Variants in CD80 observed in about 807,000 individuals in gnomAD.
CD80 encodes the protein T-lymphocyte activation antigen CD80.
In CD80, 13 loss-of-function variants were observed where a neutral mutation model predicts 27.1. The observed-to-expected ratio is 0.48, with a 90% CI of 0.31 to 0.76. The LOEUF (loss-of-function observed/expected upper bound fraction) is 0.76, where lower values mean the gene tolerates loss of function less well. CD80 is among the 30% of genes least tolerant of loss of function. The pLI, the probability that CD80 is intolerant of heterozygous loss-of-function variation, is 0.04. For missense variants in CD80, 277 were observed against 347.9 expected (o/e 0.80, Z 1.62); for synonymous variants, 125 against 125.5 (o/e 1.00, Z 0.03).
intron 3 of CD80, among the ~76,000 whole-genome samples, chr3:119,543,007 G>A (rs2082178848): frequency 6.6e-6 from 1 of 152,042 alleles, no homozygotes. Flanking sequence ...CCAACCCAGT[G>A]CAAGAAGACA....
intron 2 of CD80, among the ~76,000 whole-genome samples, chr3:119,546,266 G>T (rs1049387049): frequency 6.6e-6 from 1 of 152,200 alleles, no homozygotes; most frequent in Non-Finnish European, 1.5e-5. Flanking sequence ...TACAGTGGTG[G>T]TGGAGGAGGG....
chr3:119,555,854 A>G (rs2688627), intron 2 of CD80, among the ~76,000 whole-genome samples: 35,575 of 152,176 alleles, frequency 0.23, 4,377 homozygotes, highest in Middle Eastern at 0.3. Context: ...TAAACAAAAG[A>G]ATGAACACCT....
intron 2 of CD80, among the ~76,000 whole-genome samples, chr3:119,549,865 A>G (rs1390074408): frequency 6.6e-6 from 1 of 152,254 alleles, no homozygotes; most frequent in African/African-American, 2.4e-5. Context: ...TAAAGATCAA[A>G]TGACAACCCA....
intron 4 of CD80, among the ~76,000 whole-genome samples, chr3:119,535,114 C>A (rs1301274872): frequency 6.6e-6 from 1 of 151,732 alleles, no homozygotes; most frequent in Non-Finnish European, 1.5e-5. Context: ...ATTGCTTCAA[C>A]CTGGGAGGCG....
chr3:119,547,296 T>G (rs1413638735), intron 2 of CD80, among the ~76,000 whole-genome samples: 3 of 152,226 alleles, frequency 2.0e-5, no homozygotes, highest in Non-Finnish European at 4.4e-5. Flanking sequence ...CATACTGTAA[T>G]TCAATGCCTA....
At chr3:119,536,131 A>T (rs2082136506) in intron 4 of CD80, among the ~76,000 whole-genome samples, 7 of 151,878 alleles carry the variant, frequency 4.6e-5, no homozygotes, top group Admixed American at 4.6e-4. Context: ...GGCGCCTGTA[A>T]TCCCAGCTAT....
In CD80 at chr3:119,527,762, CG is replaced by C; in HGVS notation, c.*8del. 6.2e-7 allele frequency: 1 copy of C among 1,610,820 alleles called. No individual in the cohort carries two copies. On this transcript the variant is annotated 3_prime_UTR_variant, in exon 6 of 7. Coordinates refer to ENST00000264246, the MANE Select transcript of CD80 (RefSeq NM_005191.4). ...AGATCTTTTCAGCCCCTTGCTTCTG[CG>C]GACACTGTTATACAGGGCGTACACT...
intron 3 of CD80, among the ~76,000 whole-genome samples, chr3:119,539,421 T>TAA (rs541394834): frequency 6.2e-5 from 9 of 144,206 alleles, no homozygotes; most frequent in African/African-American, 2.3e-4. Flanking sequence ...TGGTTGAAAT[T>TAA]AAAAAAAAAA....
At position 119,527,744 on chromosome 3, in the gene CD80, T is replaced by G. The variant is rs1272949063; in HGVS notation, c.*27A>C. 1.9e-6 allele frequency: 3 copies of G among 1,597,434 alleles called. No homozygotes were observed. In the African/African-American group the frequency reaches 4.0e-5, roughly 21 times the overall value. ...ATGACGGAGGCTACCTTCAGATCTT[T>G]TCAGCCCCTTGCTTCTGCGGACACT... On this transcript the variant is annotated 3_prime_UTR_variant, in exon 6 of 7. Transcript: ENST00000264246.
intron 3 of CD80, among the ~76,000 whole-genome samples, chr3:119,540,342 T>C (rs887735448): frequency 1.3e-5 from 2 of 152,320 alleles, no homozygotes; most frequent in South Asian, 4.1e-4. Context: ...CTTCCAGGAA[T>C]GCCTTGTGGC....
Position 119,553,103 on chromosome 3 carries a change from CTTTATTTATTTATTTA to C in CD80, c.100+4510_100+4525del, listed in dbSNP as rs61318964. ...ATACTAAAACCCACTGAATTGTACA[CTTTATTTATTTATTTA>C]TTTATTTATTTATTTATTTATTTAT... On this transcript the variant is annotated intron_variant, in intron 2 of 6. Transcript: ENST00000264246. Among the ~76,000 whole-genome samples the C allele has an allele frequency of 8.2e-3, 1,097 of 134,118 alleles. 3 individuals are homozygous for C. The highest frequency in any genetic ancestry group is 0.014 in the African/African-American group (460 of 33,456). 88.0% of individuals were successfully genotyped at this position (134,118 alleles called of 152,430 possible).
At position 119,524,374 on chromosome 3, in the gene CD80, G is replaced by C. The variant is rs1436087043; in HGVS notation, c.*1414C>G. 2 of 152,248 alleles carry C rather than the reference G, an allele frequency of 1.3e-5. No individual in the cohort carries two copies. Among genetic ancestry groups the C allele is most frequent in the Non-Finnish European group, 2.9e-5 (2 of 68,044 alleles). 9.4% of individuals were successfully genotyped at this position (152,248 alleles called of 1,614,324 possible). ...TGCTGTAGAATACAGGAATTACTTA[G>C]AATAGAAACATAGTCATCACAACTG... is the stretch of plus-strand genomic sequence containing the variant. On this transcript the variant is annotated 3_prime_UTR_variant, in exon 7 of 7. Transcript: ENST00000264246.
chr3:119,546,549 G>T (rs2107745641), intron 2 of CD80, among the ~76,000 whole-genome samples: 1 of 152,210 alleles, frequency 6.6e-6, no homozygotes, highest in South Asian at 2.1e-4. Flanking sequence ...AATAAGGGAG[G>T]GAGATGAGGT....
At chr3:119,553,615 G>C (rs540160428) in intron 2 of CD80, among the ~76,000 whole-genome samples, 4 of 152,324 alleles carry the variant, frequency 2.6e-5, no homozygotes, top group African/African-American at 9.6e-5. Flanking sequence ...AACCTCAGCA[G>C]CCGTTAGAGA....
chr3:119,548,071 C>T (rs1038650329), intron 2 of CD80, among the ~76,000 whole-genome samples: 1 of 152,002 alleles, frequency 6.6e-6, no homozygotes, highest in Admixed American at 6.6e-5. Context: ...AACCTCCACC[C>T]CCAGGTTCAA....
chr3:119,530,654 T>TC (rs2082104476), intron 4 of CD80, among the ~76,000 whole-genome samples: 1 of 152,060 alleles, frequency 6.6e-6, no homozygotes, highest in South Asian at 2.1e-4. Context: ...TGCGGGTCCA[T>TC]CCCTCCAGAT....
intron 4 of CD80, among the ~76,000 whole-genome samples, chr3:119,531,025 G>A (rs572496371): frequency 4.3e-4 from 66 of 152,366 alleles, no homozygotes; most frequent in Non-Finnish European, 7.9e-4. Flanking sequence ...CCTAGATTAT[G>A]AAGAGATTCT....
intron 2 of CD80, among the ~76,000 whole-genome samples, chr3:119,553,776 C>G (rs1466992104): frequency 6.6e-6 from 1 of 152,188 alleles, no homozygotes; most frequent in Non-Finnish European, 1.5e-5. Context: ...AAACATTTTC[C>G]CTGACTATGA....
rs1048390794 is a variant in CD80, at chr3:119,557,706, C to T, written c.23G>A (p.Gly8Glu). MGHTRRQGTSPSKCPYLN... is the reference protein window; with the variant it reads MGHTRRQETSPSKCPYLN... ...GTATGGACACTTGGATGGTGATGTT[C>T]CCTGCCTCCGTGTGTGGCCCATGGC... Residue 8 changes from glycine (G) to glutamate (E), a missense_variant, in exon 2 of 7, where the codon GGA becomes GAA. Transcript: ENST00000264246. The T allele has an allele frequency of 1.9e-6, 3 of 1,613,304 alleles. No individual in the cohort carries two copies. The Admixed American group carries it at 5.0e-5, about 27-fold the overall frequency.
Sources: allele counts gnomAD v4.1 joint callset (sites outside exome capture counted in the v4.1 genomes callset), GRCh38; gene constraint gnomAD v4.1.1; transcripts MANE v1.5; gene names NCBI Gene and HGNC (gene_info 2026-07-23, HGNC 2026-07-21).